Variants in SHLD1 observed in about 807,000 individuals in gnomAD.
SHLD1 encodes RINN1-REV7-interacting novel NHEJ regulator 3.
In SHLD1, 3 loss-of-function variants were observed where a neutral mutation model predicts 5.5. That is an observed-to-expected ratio of 0.54 (90% CI 0.25 to 1.40). SHLD1 has a LOEUF of 1.40. Among genes scored for constraint, SHLD1 ranks in the 40% most tolerant of loss-of-function variants. SHLD1 has a pLI of 0.15. For synonymous variants in SHLD1, 92 were observed against 94.3 expected (o/e 0.98, Z 0.14); for missense variants, 210 against 244.4 (o/e 0.86, Z 0.94).
intron 2 of SHLD1, among the ~76,000 whole-genome samples, chr20:5,859,831 CAT>C (rs1211050575): frequency 1.3e-5 from 2 of 152,314 alleles, no homozygotes; most frequent in East Asian, 3.9e-4. Flanking sequence ...GACTGCCTGA[CAT>C]GTGCATGAAA....
chr20:5,849,459 G>A lies in SHLD1; in HGVS notation c.179-13565G>A, dbSNP rs78772459. Among the ~76,000 whole-genome samples, 421 of 152,270 alleles carry A rather than the reference G, an allele frequency of 2.8e-3. 2 individuals are homozygous for A. Among genetic ancestry groups the A allele is most frequent in the African/African-American group, 9.5e-3 (397 of 41,572 alleles). On this transcript the variant is annotated intron_variant, in intron 2 of 2. Transcript: ENST00000303142. ...AACAAAAGTCTGTAGACACCTTATTGTTTATAACATGGACTGGGATGATTT... is the reference window on the plus strand; with the variant it reads ...AACAAAAGTCTGTAGACACCTTATTATTTATAACATGGACTGGGATGATTT...
intron 1 of SHLD1, chr20:5,765,286 C>T (rs1430041611): frequency 2.6e-5 from 4 of 152,208 alleles, no homozygotes; most frequent in African/African-American, 9.6e-5. Flanking sequence ...CACTTTGTCA[C>T]CCAGGCTGGA....
intron 1 of SHLD1, among the ~76,000 whole-genome samples, chr20:5,764,137 AAAATATATATATATTTATATT>A (rs1474321486): frequency 0.013 from 1,205 of 95,768 alleles, 39 homozygotes; most frequent in African/African-American, 0.037. Context: ...AAAAAAAAAA[AAAATATATATATATTTATATT>A]TATATATATA....
chr20:5,771,700 C>T (rs994438093), intron 1 of SHLD1, among the ~76,000 whole-genome samples: 3 of 151,704 alleles, frequency 2.0e-5, no homozygotes, highest in Admixed American at 6.6e-5. Flanking sequence ...CTACAACCTC[C>T]GTGTGGCTAT....
intron 2 of SHLD1, among the ~76,000 whole-genome samples, chr20:5,815,823 G>C (rs2087523028): frequency 6.6e-6 from 1 of 152,300 alleles, no homozygotes; most frequent in South Asian, 2.1e-4. Flanking sequence ...GCTCATGCCT[G>C]TAATCCCAGC....
At chr20:5,776,553 A>G (rs1985436992) in intron 2 of SHLD1, among the ~76,000 whole-genome samples, 1 of 152,010 alleles carries the variant, frequency 6.6e-6, no homozygotes, top group African/African-American at 2.4e-5. Context: ...GCCTGAGGTC[A>G]GGGGTTCTAG....
Position 5,855,070 on chromosome 20 carries a change from G to A in SHLD1, c.179-7954G>A, listed in dbSNP as rs187113213. Among the ~76,000 whole-genome samples the A allele has an allele frequency of 3.8e-3, 578 of 151,902 alleles. 6 individuals carry two copies. Among genetic ancestry groups the A allele is most frequent in the African/African-American group, 0.014 (559 of 41,392 alleles). ...TTAATTTTTTTTTTGTAGAGGCAGG[G>A]TCTTGCTATGTTGCCTAGGTTGGTC... On this transcript the variant is annotated intron_variant, in intron 2 of 2. Coordinates refer to ENST00000303142, the MANE Select transcript of SHLD1 (RefSeq NM_152504.4). This position sits in a 1 kb window ranked among gnomAD's most constrained non-coding sequence, Gnocchi z 4.4.
chr20:5,783,370 C>A (rs544036454), intron 2 of SHLD1, among the ~76,000 whole-genome samples: 288 of 152,198 alleles, frequency 1.9e-3, no homozygotes, highest in Non-Finnish European at 3.6e-3. Flanking sequence ...ACTACAGGAG[C>A]CCGCCACCAC....
chr20:5,805,426 A>G (rs372407), intron 2 of SHLD1, among the ~76,000 whole-genome samples: 39,654 of 151,366 alleles, frequency 0.26, 6,407 homozygotes, highest in African/African-American at 0.45. Flanking sequence ...CGAAGTGCTG[A>G]GATTACAGGC....
At chr20:5,796,346 G>T (rs778347081) in intron 2 of SHLD1, among the ~76,000 whole-genome samples, 1 of 151,952 alleles carries the variant, frequency 6.6e-6, no homozygotes, top group Non-Finnish European at 1.5e-5. Flanking sequence ...CTATAAAAAG[G>T]CATAGAAAAA....
intron 2 of SHLD1, among the ~76,000 whole-genome samples, chr20:5,818,279 T>C (rs2087563600): frequency 6.6e-6 from 1 of 152,124 alleles, no homozygotes; most frequent in South Asian, 2.1e-4. Flanking sequence ...TTTCACCATG[T>C]TGGCCAGGCT....
At chr20:5,800,136 A>C (rs2087271109) in intron 2 of SHLD1, among the ~76,000 whole-genome samples, 2 of 152,358 alleles carry the variant, frequency 1.3e-5, no homozygotes, top group East Asian at 1.9e-4. Context: ...GAAGCTAAGC[A>C]TGATACAATG....
At chr20:5,775,041 A>G (rs1267921519) in intron 2 of SHLD1, among the ~76,000 whole-genome samples, 1 of 152,030 alleles carries the variant, frequency 6.6e-6, no homozygotes, top group Non-Finnish European at 1.5e-5. Flanking sequence ...TTGTTTGTGT[A>G]TGTATTTATT....
chr20:5,794,328 T>A (rs766642924), intron 2 of SHLD1, among the ~76,000 whole-genome samples: 2 of 152,218 alleles, frequency 1.3e-5, no homozygotes, highest in Non-Finnish European at 2.9e-5. Flanking sequence ...CTAGTGCTGC[T>A]ACTGGGGTTG....
chr20:5,805,641 C>A (rs2087363388), intron 2 of SHLD1, among the ~76,000 whole-genome samples: 1 of 152,032 alleles, frequency 6.6e-6, no homozygotes, highest in African/African-American at 2.4e-5. Context: ...TGCTGTGTTT[C>A]CCAGGCTGGA....
intron 2 of SHLD1, among the ~76,000 whole-genome samples, chr20:5,807,382 T>C (rs943241279): frequency 2.6e-5 from 4 of 152,050 alleles, no homozygotes; most frequent in African/African-American, 9.6e-5. Flanking sequence ...TCTTCCTCTT[T>C]CTCTTTTTTC....
intron 2 of SHLD1, among the ~76,000 whole-genome samples, chr20:5,782,756 T>TA (rs548914605): frequency 6.6e-6 from 1 of 151,982 alleles, no homozygotes; most frequent in East Asian, 1.9e-4. Context: ...TATTTAAGAG[T>TA]AAAAAAAAGT....
intron 2 of SHLD1, among the ~76,000 whole-genome samples, chr20:5,811,870 AT>A (rs1421886269): frequency 1.3e-5 from 2 of 148,656 alleles, no homozygotes; most frequent in East Asian, 2.0e-4. Context: ...AAAAAAAAAA[AT>A]GAATTTGAAC....
At chr20:5,854,459 T>C (rs2088055379) in intron 2 of SHLD1, among the ~76,000 whole-genome samples, 1 of 152,124 alleles carries the variant, frequency 6.6e-6, no homozygotes, top group Non-Finnish European at 1.5e-5. Flanking sequence ...CCACTTCTGC[T>C]ATGATAAAAT....
Sources: allele counts gnomAD v4.1 joint callset (sites outside exome capture counted in the v4.1 genomes callset), GRCh38; gene constraint gnomAD v4.1.1; non-coding constraint Gnocchi (gnomAD v3.1); transcripts MANE v1.5; gene names NCBI Gene and HGNC (gene_info 2026-07-23, HGNC 2026-07-21).